The following SLC9A1 variants were observed in gnomAD, a reference collection of about 807,000 sequenced individuals.
SLC9A1 encodes the protein solute carrier family 9 member A1, also known as sodium/hydrogen exchanger 1.
A neutral mutation model predicts 67.9 loss-of-function variants in SLC9A1; 22 were observed. That is an observed-to-expected ratio of 0.32 (90% CI 0.23 to 0.46). The LOEUF is 0.46. Among genes scored for constraint, SLC9A1 ranks in the 20% least tolerant of loss-of-function variants. SLC9A1 has a pLI of 1.00. For missense variants in SLC9A1, 686 were observed against 1,094.8 expected, an observed-to-expected ratio of 0.63 and a Z score of 5.27; for synonymous variants, 421 against 471.8, an observed-to-expected ratio of 0.89 and a Z score of 1.40.
rs889990076 is a variant in SLC9A1 at position 27,154,192 on chromosome 1, C to T, written c.143G>A (p.Ser48Asn). ...QLSPTASTIR[S>N]SEPPRERSIG... ...CGAGCGTTCTCGTGGTGGCTCTGAG[C>T]TTCGAATGGTGCTGGCAGTTGGGCT... The change falls in exon 1 of 12, where the codon AGC becomes AAC. Residue 48 changes from serine (S) to asparagine (N), a missense_variant. Coordinates refer to ENST00000263980, the MANE Select transcript of SLC9A1 (RefSeq NM_003047.5). 1 of 1,614,138 alleles carries T rather than the reference C, an allele frequency of 6.2e-7. No homozygotes were observed. The highest frequency in any genetic ancestry group is 1.7e-5 in the Admixed American group (1 of 60,008).
At chr1:27,147,439 C>T (rs1396744626) in intron 1 of SLC9A1, among the ~76,000 whole-genome samples, 2 of 151,484 alleles carry the variant, frequency 1.3e-5, no homozygotes, top group South Asian at 2.1e-4. Context: ...TGCTGTGAGC[C>T]GAGATCGCCT....
chr1:27,147,738 G>A (rs146257077), intron 1 of SLC9A1, among the ~76,000 whole-genome samples: 1 of 152,198 alleles, frequency 6.6e-6, no homozygotes, highest in South Asian at 2.1e-4. Flanking sequence ...GCTTACGCCT[G>A]TAATCCAGCA....
At chr1:27,125,979 C>T (rs1193762755) in intron 1 of SLC9A1, among the ~76,000 whole-genome samples, 2 of 152,158 alleles carry the variant, frequency 1.3e-5, no homozygotes, top group East Asian at 3.8e-4. Flanking sequence ...CCTGAATCTC[C>T]ACTCACTGTC....
At chr1:27,105,737 G>A (rs1323872618) in intron 5 of SLC9A1, 148 bp downstream of exon 5, 1 of 736,908 alleles carries the variant, frequency 1.4e-6, no homozygotes, top group Non-Finnish European at 2.5e-6. Flanking sequence ...GCCCAGAAAG[G>A]GGGAGTGGCT....
At chr1:27,147,719 G>A (rs903625088) in intron 1 of SLC9A1, among the ~76,000 whole-genome samples, 1 of 152,248 alleles carries the variant, frequency 6.6e-6, no homozygotes, top group Non-Finnish European at 1.5e-5. Flanking sequence ...GCTCAGGCCA[G>A]GAGCAGTGGC....
Position 27,102,473 on chromosome 1 carries a change from G to A in SLC9A1, c.1732C>T (p.His578Tyr). The change falls in exon 8 of 12, where the codon CAC becomes TAC. Residue 578 changes from histidine to tyrosine, a missense_variant. By Grantham distance (83) the His-to-Tyr change is moderately conservative. This residue lies in a region of SLC9A1 where 168 missense variants were observed against 375.4 expected (regional missense o/e 0.45). Coordinates refer to ENST00000263980, the MANE Select transcript of SLC9A1 (RefSeq NM_003047.5). ...ATGGCCTGCTTCATCTCCATCTTGT[G>A]GTAGAAGGCAATGAGCTGGGGCTCC... ...SKEPQLIAFY[H>Y]KMEMKQAIEL... 1 of 1,611,582 alleles carries A rather than the reference G, an allele frequency of 6.2e-7. No homozygotes were observed. The highest frequency in any genetic ancestry group is 1.7e-5 in the Admixed American group (1 of 59,992).
chr1:27,134,730 T>C (rs761503962), intron 1 of SLC9A1, among the ~76,000 whole-genome samples: 6 of 152,064 alleles, frequency 3.9e-5, no homozygotes, highest in African/African-American at 1.4e-4. Context: ...TGCAAAAGAG[T>C]ACAGACAGCA....
In SLC9A1 at chr1:27,106,230, GC is replaced by G; in HGVS notation, c.1283-144del. 1.6e-6 allele frequency: 1 copy of G among 637,150 alleles called. No homozygotes were observed. Among genetic ancestry groups the G allele is most frequent in the Non-Finnish European group, 2.8e-6 (1 of 356,088 alleles). 39.5% of individuals were successfully genotyped at this position (637,150 alleles called of 1,614,324 possible). On this transcript the variant is annotated intron_variant, in intron 4 of 11. Transcript: ENST00000263980. The surrounding 1 kb of genome is among the most constrained non-coding windows in gnomAD (Gnocchi z 4.3). Reference sequence around the variant, plus strand: ...GCTCACTCAATTCCTGGGTCCCTCAGCCCAGAGTGCTCTGAACTCCTCAATC... The same window carrying G: ...GCTCACTCAATTCCTGGGTCCCTCAGCCAGAGTGCTCTGAACTCCTCAATC...
At position 27,109,426 on chromosome 1, in the gene SLC9A1, TG is replaced by T; in HGVS notation, c.1064+100del. On this transcript the variant is annotated intron_variant, in intron 3 of 11. Coordinates refer to ENST00000263980, the MANE Select transcript of SLC9A1 (RefSeq NM_003047.5). The surrounding 1 kb of genome is among the most constrained non-coding windows in gnomAD (Gnocchi z 5.5). ...ATGTCTCATCCCTGGAGCTCAAGGC[TG>T]GGCCCTGGGAGCTCCGTGAACCTAC... 7.7e-7 allele frequency: 1 copy of T among 1,295,142 alleles called. No individual in the cohort carries two copies. Among genetic ancestry groups the T allele is most frequent in the Non-Finnish European group, 1.1e-6 (1 of 917,516 alleles). The allele number at this position is 1,295,142 out of a possible 1,614,324, so 80.2% of individuals were successfully genotyped here.
chr1:27,103,476 T>C lies in SLC9A1; in HGVS notation c.1486-164A>G, dbSNP rs536789948. On this transcript the variant is annotated intron_variant, in intron 5 of 11. Transcript: ENST00000263980. ...GAACTCTCCCACCTCCCAGCACTTA[T>C]CTAAAGACAGGTCCTTAAGGCCTGC... 7 of 633,604 alleles carry C rather than the reference T, an allele frequency of 1.1e-5. No individual in the cohort carries two copies. In the Admixed American group the frequency reaches 1.6e-4, roughly 15 times the overall value. The allele number at this position is 633,604 out of a possible 1,614,324, so 39.2% of individuals were successfully genotyped here. A position where few individuals can be genotyped will look rare whatever the true frequency, so the allele number is the denominator to read the frequency against.
chr1:27,147,135 CA>C (rs1570887987), intron 1 of SLC9A1, among the ~76,000 whole-genome samples: 3 of 150,778 alleles, frequency 2.0e-5, no homozygotes, highest in African/African-American at 7.3e-5. Flanking sequence ...AACAAACAAA[CA>C]AAAAAACCAA....
intron 8 of SLC9A1, 30 bp downstream of exon 8, chr1:27,102,355 C>A: frequency 6.4e-7 from 1 of 1,563,222 alleles, no homozygotes; most frequent in Non-Finnish European, 8.7e-7. Context: ...TGTGTGGGAG[C>A]AGAAGCTGCC....
intron 1 of SLC9A1, among the ~76,000 whole-genome samples, chr1:27,134,487 G>A (rs2124191403): frequency 6.6e-6 from 1 of 152,224 alleles, no homozygotes; most frequent in South Asian, 2.1e-4. Flanking sequence ...CCAAAGCTCA[G>A]GGCATTTAAG....
chr1:27,107,534 C>T (rs369709011), intron 4 of SLC9A1, 114 bp downstream of exon 4: 2 of 774,250 alleles, frequency 2.6e-6, no homozygotes, highest in African/African-American at 3.4e-5. Context: ...CACCACATAG[C>T]CTGGCCCTTC....
chr1:27,113,113 G>A (rs951090987), intron 2 of SLC9A1, among the ~76,000 whole-genome samples: 10 of 152,098 alleles, frequency 6.6e-5, no homozygotes, highest in Non-Finnish European at 1.2e-4. Flanking sequence ...GGTCTGTGAA[G>A]AGGGAACTGA....
At chr1:27,140,727 ACAT>A (rs1369239637) in intron 1 of SLC9A1, among the ~76,000 whole-genome samples, 1 of 152,234 alleles carries the variant, frequency 6.6e-6, no homozygotes, top group African/African-American at 2.4e-5. Flanking sequence ...TTATAGCTAC[ACAT>A]CAAGTTGTCA....
intron 1 of SLC9A1, among the ~76,000 whole-genome samples, chr1:27,123,263 C>T (rs924571751): frequency 4.6e-5 from 7 of 152,196 alleles, no homozygotes; most frequent in Admixed American, 3.3e-4. Flanking sequence ...TCTCCCCCTT[C>T]CCTTTTACCA....
At chr1:27,128,705 CCCA>C (rs1293694624) in intron 1 of SLC9A1, among the ~76,000 whole-genome samples, 1 of 151,270 alleles carries the variant, frequency 6.6e-6, no homozygotes, top group Non-Finnish European at 1.5e-5. Context: ...TGCCTATAAT[CCCA>C]GCACTTTGAG....
chr1:27,139,802 T>G (rs904742331), intron 1 of SLC9A1, among the ~76,000 whole-genome samples: 11 of 151,808 alleles, frequency 7.2e-5, no homozygotes, highest in Non-Finnish European at 1.6e-4. Context: ...TCATTGTTTT[T>G]TTTTTTTTTT....
Sources: allele counts gnomAD v4.1 joint callset (sites outside exome capture counted in the v4.1 genomes callset), GRCh38; gene constraint gnomAD v4.1.1; regional missense constraint gnomAD v4.1.1; non-coding constraint Gnocchi (gnomAD v3.1); transcripts MANE v1.5; gene names NCBI Gene and HGNC (gene_info 2026-07-23, HGNC 2026-07-21).